IRAG1: variants seen among roughly 807,000 people sequenced by gnomAD.
IRAG1 encodes the protein IP3R-associated cGMP kinase substrate.
Under a neutral mutation model 106.2 loss-of-function variants are expected in IRAG1, and 62 were observed. That is an observed-to-expected ratio of 0.58 (90% CI 0.48 to 0.72). The LOEUF is 0.72. Ranked by LOEUF, IRAG1 falls within the 30% of genes least tolerant of loss-of-function variation. IRAG1 has a pLI of 0.00. For synonymous variants in IRAG1, 462 were observed against 443.9 expected (o/e 1.04, Z -0.51); for missense variants, 1,064 against 1,140.7 (o/e 0.93, Z 0.97).
At chr11:10,655,248 T>C (rs1858828630) in intron 1 of IRAG1, among the ~76,000 whole-genome samples, 1 of 152,184 alleles carries the variant, frequency 6.6e-6, no homozygotes, top group Non-Finnish European at 1.5e-5. Flanking sequence ...CTACACAAAG[T>C]ATATTGTGCT....
At chr11:10,670,056 T>C (rs1421254166) in intron 1 of IRAG1, among the ~76,000 whole-genome samples, 2 of 152,268 alleles carry the variant, frequency 1.3e-5, no homozygotes, top group African/African-American at 2.4e-5. Context: ...CAGTTCCTAC[T>C]GACATAACCA....
intron 15 of IRAG1, chr11:10,599,971 C>G (rs1853792760): frequency 2.0e-5 from 3 of 152,264 alleles, no homozygotes; most frequent in Admixed American, 2.0e-4. Context: ...AAATTGCTAG[C>G]ATGGCCTGGC....
At chr11:10,604,963 A>G (rs570753150) in intron 12 of IRAG1, among the ~76,000 whole-genome samples, 1 of 152,328 alleles carries the variant, frequency 6.6e-6, no homozygotes, top group East Asian at 1.9e-4. Context: ...GTATTGAAAG[A>G]AACTCCATGT....
At chr11:10,637,851 C>A (rs1270991012) in intron 2 of IRAG1, among the ~76,000 whole-genome samples, 1 of 152,060 alleles carries the variant, frequency 6.6e-6, no homozygotes, top group African/African-American at 2.4e-5. Flanking sequence ...TGTCAAATGG[C>A]AGGTAGCCAG....
At chr11:10,598,409 A>G (rs1394104656) in intron 15 of IRAG1, among the ~76,000 whole-genome samples, 2 of 152,372 alleles carry the variant, frequency 1.3e-5, no homozygotes, top group Admixed American at 1.3e-4. Context: ...CAGTCAGCCA[A>G]AATAGCAGAA....
chr11:10,613,349 A>T (rs528490476), intron 10 of IRAG1, among the ~76,000 whole-genome samples: 5 of 152,184 alleles, frequency 3.3e-5, no homozygotes, highest in Non-Finnish European at 5.9e-5. Flanking sequence ...TTTCTCCATA[A>T]CTTTAAATAC....
intron 15 of IRAG1, among the ~76,000 whole-genome samples, chr11:10,597,807 A>G (rs528148362): frequency 6.6e-6 from 1 of 152,244 alleles, no homozygotes; most frequent in South Asian, 2.1e-4. Context: ...TTAAGTTGTG[A>G]AGTCATCTTC....
rs1229976616 is a variant in IRAG1, at chr11:10,686,019, A to G, written c.67+7517T>C. On this transcript the variant is annotated intron_variant, in intron 1 of 20. Coordinates refer to ENST00000423302, the MANE Select transcript of IRAG1 (RefSeq NM_130385.4). ...GAAAGATGTCTTAGGTAAGAAGCCC[A>G]GGAAGACATTACATTCTTTCTACCA... Among the ~76,000 whole-genome samples the G allele has an allele frequency of 2.0e-5, 3 of 152,200 alleles. No homozygotes were observed. In the East Asian group the frequency reaches 5.8e-4, roughly 29 times the overall value.
chr11:10,582,055 T>G, intron 18 of IRAG1, 69 bp from the exon 19 acceptor site: 1 of 1,535,760 alleles, frequency 6.5e-7, no homozygotes, highest in Non-Finnish European at 8.8e-7. Flanking sequence ...AAAACCATGT[T>G]TTTGGCCCGA....
intron 19 of IRAG1, among the ~76,000 whole-genome samples, chr11:10,581,567 C>T (rs1028619123): frequency 5.3e-5 from 8 of 152,058 alleles, no homozygotes; most frequent in African/African-American, 1.7e-4. Flanking sequence ...TCAGGCACCA[C>T]CAAGAGGAAC....
At chr11:10,580,692 T>G in intron 19 of IRAG1, 103 bp from the exon 20 acceptor site, 7 of 1,356,852 alleles carry the variant, frequency 5.2e-6, no homozygotes, top group Non-Finnish European at 7.0e-6. Context: ...CCAATAATTA[T>G]GTGCTTCCTA....
chr11:10,614,019 C>A (rs1855188875), intron 10 of IRAG1, among the ~76,000 whole-genome samples: 1 of 152,162 alleles, frequency 6.6e-6, no homozygotes, highest in African/African-American at 2.4e-5. Flanking sequence ...CAGTACCTGA[C>A]AACTACGGGC....
intron 5 of IRAG1, 100 bp downstream of exon 5, chr11:10,629,438 C>A (rs1318477769): frequency 7.6e-7 from 1 of 1,316,110 alleles, no homozygotes; most frequent in Non-Finnish European, 1.0e-6. Context: ...TCCAAGGCGA[C>A]CTCCTCGGAG....
At chr11:10,577,113 T>G (rs1850902103) in intron 20 of IRAG1, among the ~76,000 whole-genome samples, 1 of 152,162 alleles carries the variant, frequency 6.6e-6, no homozygotes, top group Non-Finnish European at 1.5e-5. Context: ...CAGCTTGATA[T>G]CCAGTGATAA....
rs1299472072 is a variant in IRAG1 at position 10,628,598 on chromosome 11, C to T, written c.652+153G>A. On this transcript the variant is annotated intron_variant, in intron 6 of 20. Coordinates refer to ENST00000423302, the MANE Select transcript of IRAG1 (RefSeq NM_130385.4). The surrounding 1 kb of genome is among the most constrained non-coding windows in gnomAD (Gnocchi z 4.1). ...CCTCTGGGTGGCCCAGCAAATGCCCCCCCTGGAGAGGGGTCTTGCTCTGGG... is the reference window on the plus strand; with the variant it reads ...CCTCTGGGTGGCCCAGCAAATGCCCTCCCTGGAGAGGGGTCTTGCTCTGGG... Among the ~76,000 whole-genome samples the T allele has an allele frequency of 6.6e-6, 1 of 152,162 alleles. No homozygotes were observed. Among genetic ancestry groups the T allele is most frequent in the African/African-American group, 2.4e-5 (1 of 41,432 alleles).
At chr11:10,664,848 G>C (rs1312651317) in intron 1 of IRAG1, among the ~76,000 whole-genome samples, 1 of 152,204 alleles carries the variant, frequency 6.6e-6, no homozygotes, top group Non-Finnish European at 1.5e-5. Context: ...CTTGTCTAAG[G>C]ATGGAATCAA....
intron 1 of IRAG1, among the ~76,000 whole-genome samples, chr11:10,673,613 C>A (rs1159581933): frequency 6.6e-6 from 1 of 152,000 alleles, no homozygotes; most frequent in Non-Finnish European, 1.5e-5. Context: ...CTAAAATCCA[C>A]TGAATTGTAC....
At chr11:10,619,548 C>G (rs1855681303) in intron 10 of IRAG1, among the ~76,000 whole-genome samples, 2 of 152,246 alleles carry the variant, frequency 1.3e-5, no homozygotes, top group African/African-American at 4.8e-5. Context: ...CGGAGGGTTG[C>G]CCACCACATC....
Position 10,693,358 on chromosome 11 carries a change from A to T in IRAG1, c.67+178T>A, listed in dbSNP as rs1862211319. 3 of 1,256,046 alleles carry T rather than the reference A, an allele frequency of 2.4e-6. No individual in the cohort carries two copies. In the Admixed American group the frequency reaches 8.9e-5, roughly 37 times the overall value. The allele number at this position is 1,256,046 out of a possible 1,614,324, so 77.8% of individuals were successfully genotyped here. ...CTGGCAAGATTCACTTCTGATTTAA[A>T]ACTTAAGACAGCAACAATAAAGATA... is the stretch of plus-strand genomic sequence containing the variant. On this transcript the variant is annotated intron_variant, in intron 1 of 20. Coordinates refer to ENST00000423302, the MANE Select transcript of IRAG1 (RefSeq NM_130385.4).
Sources: gnomAD v4.1 joint callset for allele counts (sites outside exome capture counted in the v4.1 genomes callset) on GRCh38, gnomAD v4.1.1 for gene constraint, Gnocchi (gnomAD v3.1) non-coding constraint, MANE v1.5 for transcripts, NCBI Gene and HGNC (gene_info 2026-07-23, HGNC 2026-07-21) for gene names.